CDK12: variants seen among roughly 807,000 people sequenced by gnomAD.
CDK12 encodes cyclin-dependent kinase 12.
CDK12 carries 17 observed loss-of-function variants against 133.8 expected under a neutral mutation model. That is an observed-to-expected ratio of 0.13 (90% CI 0.09 to 0.19). CDK12 has a LOEUF of 0.19. Ranked by LOEUF, CDK12 falls within the 10% of genes least tolerant of loss-of-function variation. The pLI, the probability that CDK12 is intolerant of heterozygous loss-of-function variation, is 1.00. For synonymous variants in CDK12, 694 were observed against 683.6 expected (o/e 1.02, Z -0.24); for missense variants, 1,508 against 1,818.7 (o/e 0.83, Z 3.11).
rs1017571029 is a variant in CDK12, at chr17:39,533,711, T to G, written c.*2395T>G. On this transcript the variant is annotated 3_prime_UTR_variant, in exon 14 of 14. Coordinates refer to ENST00000447079, the MANE Select transcript of CDK12 (RefSeq NM_016507.4). ...TGTGTGAGTGTATGTGTATGTATGA[T>G]CCCATCTCACCCCCACCCCCATTTT... 4.3e-6 allele frequency: 1 copy of G among 232,686 alleles called. No homozygotes were observed. The highest frequency in any genetic ancestry group is 2.2e-5 in the African/African-American group (1 of 45,240). The allele number at this position is 232,686 out of a possible 1,614,324, so 14.4% of individuals were successfully genotyped here.
chr17:39,495,744 A>G (rs2052052074), intron 5 of CDK12, among the ~76,000 whole-genome samples: 1 of 150,754 alleles, frequency 6.6e-6, no homozygotes, highest in African/African-American at 2.4e-5. Flanking sequence ...GCGGTGAGCC[A>G]AGATCGTGCC....
intron 2 of CDK12, among the ~76,000 whole-genome samples, chr17:39,555,830 CACACACACA>C (rs2056137346): frequency 3.4e-3 from 1 of 290 alleles, no homozygotes; most frequent in Non-Finnish European, 0.071. Context: ...CTCATCTCTA[CACACACACA>C]CACACACACA....
chr17:39,470,862 G>A lies in CDK12; in HGVS notation c.1047-17G>A, dbSNP rs2049740819. ...ACTGTAGTCCATTCATTTAAAACTG[G>A]CTTTTTATTTTTCCAGTAGGAAATC... On this transcript the variant is annotated splice_polypyrimidine_tract_variant and intron_variant, in intron 1 of 13. Transcript: ENST00000447079. 1.3e-6 allele frequency: 2 copies of A among 1,582,406 alleles called. No individual in the cohort carries two copies. The highest frequency in any genetic ancestry group is 2.3e-5 in the South Asian group (2 of 85,534).
At position 39,472,617 on chromosome 17, in the gene CDK12, C is replaced by T. The variant is rs564129510; in HGVS notation, c.1931+854C>T. Among the ~76,000 whole-genome samples the T allele has an allele frequency of 1.9e-3, 288 of 151,118 alleles. 2 individuals are homozygous for T. Among genetic ancestry groups the T allele is most frequent in the African/African-American group, 6.6e-3 (271 of 41,136 alleles). On this transcript the variant is annotated intron_variant, in intron 2 of 13. Coordinates refer to ENST00000447079, the MANE Select transcript of CDK12 (RefSeq NM_016507.4). ...TGAACCCAGGATATGGAGGTTGCAGCGAGCCAAGATTGCATATTGCCGTAT... is the reference window on the plus strand; with the variant it reads ...TGAACCCAGGATATGGAGGTTGCAGTGAGCCAAGATTGCATATTGCCGTAT...
chr17:39,466,169 G>T lies in CDK12; in HGVS notation c.1046+3052G>T, dbSNP rs991467177. On this transcript the variant is annotated intron_variant, in intron 1 of 13. Coordinates refer to ENST00000447079, the MANE Select transcript of CDK12 (RefSeq NM_016507.4). Reference sequence around the variant, plus strand: ...CTAAAAATACAAAAATTAGCCAGGCGTGGTGGCATGCACCTATAATCCCAG... The same window carrying T: ...CTAAAAATACAAAAATTAGCCAGGCTTGGTGGCATGCACCTATAATCCCAG... Among the ~76,000 whole-genome samples the T allele has an allele frequency of 1.4e-4, 22 of 151,860 alleles. 1 individual carries two copies. Among genetic ancestry groups the T allele is most frequent in the Admixed American group, 1.4e-3 (21 of 15,220 alleles).
intron 3 of CDK12, among the ~76,000 whole-genome samples, chr17:39,559,909 G>A (rs1348777169): frequency 1.3e-5 from 2 of 150,678 alleles, no homozygotes; most frequent in Admixed American, 1.3e-4. Flanking sequence ...TCAAGCCTTA[G>A]TTTCCTAAGT....
At chr17:39,473,801 C>G (rs2049983684) in intron 2 of CDK12, among the ~76,000 whole-genome samples, 1 of 152,010 alleles carries the variant, frequency 6.6e-6, no homozygotes, top group Non-Finnish European at 1.5e-5. Context: ...AGAAGAATTA[C>G]TTGAACCCAG....
chr17:39,530,794 A>G lies in CDK12; in HGVS notation c.3951A>G (p.Pro1317=). The part of the protein sequence containing the change: ...QPEAEPPGHL[P]HEHQALRPME... ...AAGCAGAGCCTCCTGGCCACCTGCC[A>G]CATGAGCACCAGGCCTTGAGACCAA... is the stretch of plus-strand genomic sequence containing the variant. Residue 1317 remains proline (P), a synonymous_variant, in exon 14 of 14, where the codon CCA becomes CCG. Coordinates refer to ENST00000447079, the MANE Select transcript of CDK12 (RefSeq NM_016507.4). The G allele has an allele frequency of 6.2e-7, 1 of 1,614,202 alleles. No individual in the cohort carries two copies. Among genetic ancestry groups the G allele is most frequent in the Non-Finnish European group, 8.5e-7 (1 of 1,180,042 alleles).
At chr17:39,563,470 C>A (rs1379415374) in intron 3 of CDK12, among the ~76,000 whole-genome samples, 6 of 86,150 alleles carry the variant, frequency 7.0e-5, no homozygotes, top group African/African-American at 2.5e-4. Flanking sequence ...CCCGCCCCCC[C>A]CCCGCCCCCA....
At position 39,520,868 on chromosome 17, in the gene CDK12, A is replaced by G. The variant is rs143990472; in HGVS notation, c.3095+781A>G. Among the ~76,000 whole-genome samples, 1,489 of 151,768 alleles carry G rather than the reference A, an allele frequency of 9.8e-3. 32 individuals are homozygous for G. Among genetic ancestry groups the G allele is most frequent in the African/African-American group, 0.034 (1,408 of 41,358 alleles). Reference sequence around the variant, plus strand: ...GTTTCATTTTGTTTTGTTTTTTGAGATGGAGTTTCGCTCTTGTTCCCCAGG... The same window carrying G: ...GTTTCATTTTGTTTTGTTTTTTGAGGTGGAGTTTCGCTCTTGTTCCCCAGG... On this transcript the variant is annotated intron_variant, in intron 11 of 13. Transcript: ENST00000447079.
At position 39,525,952 on chromosome 17, in the gene CDK12, T is replaced by C. The variant is rs2054472052; in HGVS notation, c.3396T>C (p.Pro1132=). 1 of 1,613,998 alleles carries C rather than the reference T, an allele frequency of 6.2e-7. No homozygotes were observed. Among genetic ancestry groups the C allele is most frequent in the Non-Finnish European group, 8.5e-7 (1 of 1,180,030 alleles). The stretch of plus-strand genomic sequence containing the variant: ...AGAGCCAAACCGACCTGAGCATCCC[T>C]CAAATGGCACAGCTGCTTAACATCC... ...LLQSQTDLSI[P]QMAQLLNIHS... is the part of the protein sequence containing the mutation. Residue 1132 remains proline, a synonymous_variant, in exon 13 of 14, where the codon CCT becomes CCC. Coordinates refer to ENST00000447079, the MANE Select transcript of CDK12 (RefSeq NM_016507.4).
chr17:39,524,701 G>C lies in CDK12; in HGVS notation c.3123G>C (p.Glu1041Asp). ...TCCCCCACTGGCAGGATTGCCATGA[G>C]TTGTGGAGTAAGAAACGGCGACGTC... is the stretch of plus-strand genomic sequence containing the variant. ...PDLPHWQDCH[E>D]LWSKKRRRQR... The change falls in exon 12 of 14, where the codon GAG (glutamate) becomes GAC (aspartate). Residue 1041 changes from glutamate (E) to aspartate (D), a missense_variant. Transcript: ENST00000447079. 6.2e-7 allele frequency: 1 copy of C among 1,614,188 alleles called. No homozygotes were observed. The highest frequency in any genetic ancestry group is 1.1e-5 in the South Asian group (1 of 91,084).
chr17:39,514,162 C>T (rs1274320717), intron 8 of CDK12, among the ~76,000 whole-genome samples: 1 of 152,100 alleles, frequency 6.6e-6, no homozygotes, highest in Non-Finnish European at 1.5e-5. Context: ...TCACCAAGTG[C>T]CAGGATTACA....
upstream of CDK12, among the ~76,000 whole-genome samples, chr17:39,547,512 A>T (rs1232023147): frequency 6.6e-6 from 1 of 152,168 alleles, no homozygotes; most frequent in African/African-American, 2.4e-5. Flanking sequence ...GAAAGGAAAG[A>T]TGATTTATCT....
At position 39,488,514 on chromosome 17, in the gene CDK12, TA is replaced by T. The variant is rs1297286147; in HGVS notation, c.1932-2042del. Among the ~76,000 whole-genome samples the T allele has an allele frequency of 2.6e-5, 4 of 152,284 alleles. No individual in the cohort carries two copies. The East Asian group carries it at 5.8e-4, about 22-fold the overall frequency. Reference sequence around the variant, plus strand: ...TTGACTTACAACTTAGCTATATTTCTATTTTTTTGTAAATATCTTCGGCAAT... The same window carrying T: ...TTGACTTACAACTTAGCTATATTTCTTTTTTTTGTAAATATCTTCGGCAAT... On this transcript the variant is annotated intron_variant, in intron 2 of 13. Coordinates refer to ENST00000447079, the MANE Select transcript of CDK12 (RefSeq NM_016507.4).
At chr17:39,466,963 CATTTT>C (rs565424155) in intron 1 of CDK12, among the ~76,000 whole-genome samples, 3 of 151,626 alleles carry the variant, frequency 2.0e-5, no homozygotes, top group Non-Finnish European at 2.9e-5. Context: ...AAATAAGCAA[CATTTT>C]ATTTTATTTT....
chr17:39,528,691 G>A (rs759922466), intron 13 of CDK12, among the ~76,000 whole-genome samples: 4 of 152,172 alleles, frequency 2.6e-5, no homozygotes, highest in Non-Finnish European at 5.9e-5. Context: ...TTGACCTCAA[G>A]TGTTAGTTCT....
At chr17:39,522,358 A>G (rs913790810) in intron 11 of CDK12, among the ~76,000 whole-genome samples, 9 of 152,232 alleles carry the variant, frequency 5.9e-5, no homozygotes, top group African/African-American at 1.7e-4. Flanking sequence ...AAGTGCTGGG[A>G]TTACAGGCGT....
chr17:39,505,246 G>T lies in CDK12; in HGVS notation c.2609+3807G>T, dbSNP rs2053029657. Among the ~76,000 whole-genome samples, 7 of 130,254 alleles carry T rather than the reference G, an allele frequency of 5.4e-5. No homozygotes were observed. In the South Asian group the frequency reaches 1.7e-3, roughly 32 times the overall value. The allele number at this position is 130,254 out of a possible 152,430, so 85.5% of individuals were successfully genotyped here. ...CCGTTTCAAAAAAAAAAAAAAAAAG[G>T]CCAGGCGCGGTGGCTCACACCTGTA... On this transcript the variant is annotated intron_variant, in intron 6 of 13. Transcript: ENST00000447079.
Sources: gnomAD v4.1 joint callset for allele counts (sites outside exome capture counted in the v4.1 genomes callset) on GRCh38, gnomAD v4.1.1 for gene constraint, MANE v1.5 for transcripts, NCBI Gene and HGNC (gene_info 2026-07-23, HGNC 2026-07-21) for gene names.